Variants in LINGO2 observed in about 807,000 individuals in gnomAD.
The protein encoded by LINGO2 is leucine rich repeat and Ig domain containing 2.
LINGO2 carries 14 observed loss-of-function variants against 30.6 expected under a neutral mutation model. The ratio of observed to expected loss-of-function variants is 0.46; its 90% CI spans 0.30 to 0.72. The LOEUF is 0.72. Ranked by LOEUF, LINGO2 falls within the 30% of genes least tolerant of loss-of-function variation. LINGO2 has a pLI of 0.07. For synonymous variants in LINGO2, 317 were observed against 288.5 expected (o/e 1.10, Z -1.00); for missense variants, 729 against 751.7 (o/e 0.97, Z 0.35).
At chr9:28,704,425 T>A in the LINGO2 span, among the ~76,000 whole-genome samples, 1 of 151,982 alleles carries the variant, frequency 6.6e-6, no homozygotes, top group Non-Finnish European at 1.5e-5. Context: ...TCCTGCTTAA[T>A]GTTCTGTGTT....
At chr9:28,561,219 G>A (rs1292196208) in intron 1 of LINGO2, among the ~76,000 whole-genome samples, 1 of 151,808 alleles carries the variant, frequency 6.6e-6, no homozygotes, top group Non-Finnish European at 1.5e-5. Context: ...GCTCCCTTTA[G>A]AATGCCCAAC....
At chr9:28,759,555 G>A in the LINGO2 span, among the ~76,000 whole-genome samples, 515 of 151,938 alleles carry the variant, frequency 3.4e-3, 10 homozygotes, top group African/African-American at 0.012. Context: ...GGTGACAGGC[G>A]CCTGCAGTCC....
intron 4 of LINGO2, among the ~76,000 whole-genome samples, chr9:28,250,009 A>G (rs752181119): frequency 5.3e-5 from 8 of 152,130 alleles, no homozygotes; most frequent in Admixed American, 1.3e-4. Context: ...TCTGGTACTC[A>G]TTCTCAGACA....
chr9:28,895,927 C>T, the LINGO2 span, among the ~76,000 whole-genome samples: 2 of 151,968 alleles, frequency 1.3e-5, no homozygotes, highest in Non-Finnish European at 2.9e-5. Context: ...TATACATATC[C>T]CCATTTTAGG....
At chr9:29,163,329 A>G in the LINGO2 span, among the ~76,000 whole-genome samples, 1 of 152,206 alleles carries the variant, frequency 6.6e-6, no homozygotes, top group Non-Finnish European at 1.5e-5. Flanking sequence ...ACTCCAGTTA[A>G]CAAACTTTCA....
chr9:28,575,578 T>G (rs1161485184), intron 1 of LINGO2, among the ~76,000 whole-genome samples: 1 of 151,888 alleles, frequency 6.6e-6, no homozygotes, highest in Non-Finnish European at 1.5e-5. Flanking sequence ...GTTGAAAAAC[T>G]AACTTTTGTA....
intron 4 of LINGO2, among the ~76,000 whole-genome samples, chr9:28,208,558 GGGTTCAAGAC>G (rs1479175533): frequency 6.6e-6 from 1 of 151,926 alleles, no homozygotes; most frequent in Non-Finnish European, 1.5e-5. Context: ...CTCATTTCCT[GGGTTCAAGAC>G]GGTGCCTCCC....
At chr9:28,180,918 T>A (rs969573321) in intron 4 of LINGO2, among the ~76,000 whole-genome samples, 1 of 152,088 alleles carries the variant, frequency 6.6e-6, no homozygotes, top group Non-Finnish European at 1.5e-5. Context: ...GTTCACATAG[T>A]CAAATTGATA....
chr9:28,406,883 A>G (rs1213902838), intron 2 of LINGO2, among the ~76,000 whole-genome samples: 1 of 152,184 alleles, frequency 6.6e-6, no homozygotes, highest in East Asian at 1.9e-4. Flanking sequence ...GCATTGTGCT[A>G]CTGATACTTG....
At chr9:28,108,110 T>A (rs1826653146) in intron 4 of LINGO2, among the ~76,000 whole-genome samples, 1 of 152,110 alleles carries the variant, frequency 6.6e-6, no homozygotes, top group Non-Finnish European at 1.5e-5. Context: ...TACATATAGG[T>A]CTTAGAGCTT....
At chr9:29,202,941 T>C in the LINGO2 span, among the ~76,000 whole-genome samples, 15 of 152,146 alleles carry the variant, frequency 9.9e-5, no homozygotes, top group African/African-American at 3.6e-4. Context: ...ATGTGGAATG[T>C]ATTTCAATTC....
the LINGO2 span, among the ~76,000 whole-genome samples, chr9:29,042,198 G>A: frequency 2.0e-5 from 3 of 151,944 alleles, no homozygotes; most frequent in African/African-American, 7.2e-5. Context: ...CACTGCTGAT[G>A]TGAATTTAAA....
chr9:28,309,508 A>G (rs1216660165), intron 3 of LINGO2, among the ~76,000 whole-genome samples: 2 of 151,970 alleles, frequency 1.3e-5, no homozygotes, highest in Admixed American at 1.3e-4. Flanking sequence ...GTTGCAGCAC[A>G]CCAGCATGGC....
At chr9:28,631,983 G>C (rs1195111538) in intron 1 of LINGO2, among the ~76,000 whole-genome samples, 1 of 152,116 alleles carries the variant, frequency 6.6e-6, no homozygotes, top group African/African-American at 2.4e-5. Flanking sequence ...AAGATCATAG[G>C]TTTGGTAAAC....
intron 2 of LINGO2, among the ~76,000 whole-genome samples, chr9:28,412,462 G>A (rs1309488345): frequency 6.6e-6 from 1 of 151,994 alleles, no homozygotes; most frequent in East Asian, 1.9e-4. Flanking sequence ...CATGCAAATT[G>A]AAAAGGGAGA....
intron 4 of LINGO2, among the ~76,000 whole-genome samples, chr9:28,111,067 T>C (rs1282015004): frequency 6.6e-6 from 1 of 152,094 alleles, no homozygotes; most frequent in Non-Finnish European, 1.5e-5. Flanking sequence ...TAAAAAATAA[T>C]GAGTTCATGT....
the LINGO2 span, among the ~76,000 whole-genome samples, chr9:28,856,861 T>C: frequency 3.6e-4 from 55 of 152,116 alleles, no homozygotes; most frequent in African/African-American, 1.2e-3. Flanking sequence ...AAACTGATGA[T>C]AGTAGAAATA....
At chr9:28,492,930 A>G (rs7867540) in intron 1 of LINGO2, among the ~76,000 whole-genome samples, 3,247 of 152,270 alleles carry the variant, frequency 0.021, 103 homozygotes, top group East Asian at 0.099. Context: ...AGCTCACCAG[A>G]TTTCAAAAAT....
At chr9:28,713,140 AG>A in the LINGO2 span, among the ~76,000 whole-genome samples, 21 of 152,242 alleles carry the variant, frequency 1.4e-4, no homozygotes, top group African/African-American at 4.8e-4. Flanking sequence ...CTGCGATTAC[AG>A]GTGTAAGCCA....
Sources: allele counts gnomAD v4.1 joint callset (sites outside exome capture counted in the v4.1 genomes callset), GRCh38; gene constraint gnomAD v4.1.1; transcripts MANE v1.5; gene names NCBI Gene and HGNC (gene_info 2026-07-23, HGNC 2026-07-21).